Variants in CHLSN observed in about 807,000 individuals in gnomAD.
CHLSN encodes cholesin, also known as protein cholesin.
the CHLSN span, chr7:1,093,768 C>G: frequency 2.3e-6 from 1 of 441,982 alleles, no homozygotes; most frequent in South Asian, 1.7e-5. Context: ...GCTGATGAGG[C>G]TGGTGACGTT....
the CHLSN span, among the ~76,000 whole-genome samples, chr7:1,023,628 C>CACACAT: frequency 4.2e-5 from 1 of 23,774 alleles, no homozygotes; most frequent in Non-Finnish European, 9.2e-5. This position sits in a 1 kb window ranked among gnomAD's most constrained non-coding sequence, Gnocchi z 5.0. Context: ...CCAGGAAACA[C>CACACAT]ACACACACAC....
At chr7:1,087,011 G>T in the CHLSN span, 1 of 152,244 alleles carries the variant, frequency 6.6e-6, no homozygotes, top group South Asian at 2.1e-4. Context: ...CGGGCTTGGG[G>T]GGCCTCGCTC....
chr7:1,094,636 C>T, the CHLSN span, among the ~76,000 whole-genome samples: 69 of 152,222 alleles, frequency 4.5e-4, no homozygotes, highest in Middle Eastern at 6.8e-3. Flanking sequence ...GAAACTCTCT[C>T]CTCCCGTCCA....
the CHLSN span, among the ~76,000 whole-genome samples, chr7:1,081,570 GAC>G: frequency 6.6e-6 from 1 of 152,248 alleles, no homozygotes; most frequent in Admixed American, 6.5e-5. Flanking sequence ...GGGAAGCTGA[GAC>G]CCAGGGCTCA....
At chr7:1,054,408 C>A in the CHLSN span, among the ~76,000 whole-genome samples, 1 of 152,248 alleles carries the variant, frequency 6.6e-6, no homozygotes, top group African/African-American at 2.4e-5. Flanking sequence ...AAAATGCACA[C>A]AGGAGAACTT....
the CHLSN span, among the ~76,000 whole-genome samples, chr7:1,033,850 G>A: frequency 6.6e-6 from 1 of 152,186 alleles, no homozygotes; most frequent in Non-Finnish European, 1.5e-5. Context: ...AGTAATGGAG[G>A]TGCCTCCTGA....
chr7:1,046,406 C>T, the CHLSN span, among the ~76,000 whole-genome samples: 1 of 152,224 alleles, frequency 6.6e-6, no homozygotes, highest in East Asian at 1.9e-4. Flanking sequence ...CCATTCCCTC[C>T]TGCCTGCCAG....
the CHLSN span, among the ~76,000 whole-genome samples, chr7:1,119,568 G>A: frequency 2.0e-5 from 3 of 152,086 alleles, no homozygotes; most frequent in East Asian, 1.9e-4. Flanking sequence ...CAGTGCTGGC[G>A]AGGACATGGA....
chr7:1,111,167 G>A, the CHLSN span, among the ~76,000 whole-genome samples: 1 of 152,246 alleles, frequency 6.6e-6, no homozygotes, highest in African/African-American at 2.4e-5. Context: ...AAACTTTTGA[G>A]GAGGCGGCAC....
the CHLSN span, among the ~76,000 whole-genome samples, chr7:1,109,742 G>GGCGGCGGAGCCCTTCCCGC: frequency 6.6e-6 from 1 of 151,524 alleles, no homozygotes; most frequent in East Asian, 1.9e-4. Flanking sequence ...CCCCTCCGTG[G>GGCGGCGGAGCCCTTCCCGC]GCGGCGGAGC....
the CHLSN span, among the ~76,000 whole-genome samples, chr7:1,020,324 C>T: frequency 3.3e-5 from 5 of 152,148 alleles, no homozygotes; most frequent in African/African-American, 9.7e-5. Context: ...CCTGGGGCCC[C>T]GCCCAGCACG....
the CHLSN span, chr7:1,025,937 C>G: frequency 6.6e-6 from 1 of 152,290 alleles, no homozygotes; most frequent in Admixed American, 6.5e-5. Flanking sequence ...TGCCTCCGGC[C>G]AGGTGGGCCC....
chr7:1,021,691 G>C, the CHLSN span: 1 of 371,112 alleles, frequency 2.7e-6, no homozygotes, highest in Non-Finnish European at 3.7e-6. Flanking sequence ...CTGGAGGCAG[G>C]ACACCACCCC....
the CHLSN span, among the ~76,000 whole-genome samples, chr7:1,001,772 A>G: frequency 4.8e-5 from 2 of 41,808 alleles, no homozygotes; most frequent in Admixed American, 3.2e-4. Flanking sequence ...CCTGCGGGTG[A>G]GTGGAGTCCT....
the CHLSN span, among the ~76,000 whole-genome samples, chr7:1,031,429 G>C: frequency 4.5e-5 from 5 of 110,724 alleles, no homozygotes; most frequent in Admixed American, 4.5e-4. Context: ...AGAGTGGTCC[G>C]GGGGGGCAGA....
chr7:1,105,988 AGAG>A, the CHLSN span, among the ~76,000 whole-genome samples: 1 of 151,448 alleles, frequency 6.6e-6, no homozygotes, highest in East Asian at 1.9e-4. Context: ...CACGGAGGGG[AGAG>A]GAGAGAGGTG....
chr7:999,700 C>G, the CHLSN span, among the ~76,000 whole-genome samples: 94 of 152,288 alleles, frequency 6.2e-4, no homozygotes, highest in Middle Eastern at 3.4e-3. Flanking sequence ...AACACAGGCA[C>G]GGCAGGAGAA....
the CHLSN span, among the ~76,000 whole-genome samples, chr7:1,089,563 C>T: frequency 1.3e-5 from 2 of 152,140 alleles, no homozygotes; most frequent in East Asian, 1.9e-4. Flanking sequence ...GGACTACAGG[C>T]GCACACCACT....
chr7:1,089,707 CTTTTT>C, the CHLSN span, among the ~76,000 whole-genome samples: 2 of 124,176 alleles, frequency 1.6e-5, no homozygotes, highest in African/African-American at 3.1e-5. Context: ...ATAGGCCAGC[CTTTTT>C]TTTTTTTTTT....
Sources: gnomAD v4.1 joint callset for allele counts (sites outside exome capture counted in the v4.1 genomes callset) on GRCh38, gnomAD v4.1.1 for gene constraint, Gnocchi (gnomAD v3.1) non-coding constraint, MANE v1.5 for transcripts, NCBI Gene and HGNC (gene_info 2026-07-23, HGNC 2026-07-21) for gene names.